The following RBFOX1 variants were observed in gnomAD, a reference collection of about 807,000 sequenced individuals.
RBFOX1 encodes the protein RNA binding protein fox-1 homolog 1.
In RBFOX1, 8 loss-of-function variants were observed where a neutral mutation model predicts 57.7. The ratio of observed to expected loss-of-function variants is 0.14; its 90% CI spans 0.08 to 0.25. RBFOX1 has a LOEUF of 0.25. Among genes scored for constraint, RBFOX1 ranks in the 10% least tolerant of loss-of-function variants. RBFOX1 has a pLI of 1.00. For synonymous variants in RBFOX1, 326 were observed against 222.4 expected, an observed-to-expected ratio of 1.47 and a Z score of -4.15; for missense variants, 611 against 548.5, an observed-to-expected ratio of 1.11 and a Z score of -1.14.
At chr16:5,814,803 C>G (rs2055566318) in intron 3 of RBFOX1, among the ~76,000 whole-genome samples, 1 of 152,136 alleles carries the variant, frequency 6.6e-6, no homozygotes, top group African/African-American at 2.4e-5. Context: ...GTGGAGGGCG[C>G]CTGTAGTCCC....
At chr16:7,075,764 TA>T (rs1051238635) in intron 4 of RBFOX1, among the ~76,000 whole-genome samples, 1 of 152,090 alleles carries the variant, frequency 6.6e-6, no homozygotes, top group African/African-American at 2.4e-5. Flanking sequence ...TTATTTTTAG[TA>T]GAGACGGGAT....
intron 3 of RBFOX1, among the ~76,000 whole-genome samples, chr16:6,848,379 G>A (rs2093879724): frequency 6.6e-6 from 1 of 152,076 alleles, no homozygotes; most frequent in African/African-American, 2.4e-5. Context: ...TTGAATGTTA[G>A]TCACTAATAC....
chr16:6,091,760 G>T (rs1214429331), intron 1 of RBFOX1, among the ~76,000 whole-genome samples: 1 of 152,206 alleles, frequency 6.6e-6, no homozygotes, highest in East Asian at 1.9e-4. Context: ...GAACCTGGGA[G>T]TTGGAGGTTG....
chr16:6,833,242 T>G (rs908888733), intron 3 of RBFOX1, among the ~76,000 whole-genome samples: 4 of 152,064 alleles, frequency 2.6e-5, no homozygotes, highest in African/African-American at 7.2e-5. Flanking sequence ...CTCGGCTCAT[T>G]ACAACCTCCG....
At chr16:7,451,089 A>G (rs1366529560) in intron 4 of RBFOX1, among the ~76,000 whole-genome samples, 1 of 152,160 alleles carries the variant, frequency 6.6e-6, no homozygotes. Context: ...CATGCCAGGT[A>G]GGGCAGGCTG....
intron 4 of RBFOX1, among the ~76,000 whole-genome samples, chr16:7,096,366 A>G (rs980997119): frequency 1.3e-5 from 2 of 152,090 alleles, no homozygotes; most frequent in Non-Finnish European, 2.9e-5. Context: ...CTCTGACTCA[A>G]TTTCTCGGAC....
At chr16:6,997,038 G>A (rs750044341) in intron 3 of RBFOX1, among the ~76,000 whole-genome samples, 14 of 152,054 alleles carry the variant, frequency 9.2e-5, no homozygotes, top group Non-Finnish European at 1.6e-4. Flanking sequence ...TTATATGCAC[G>A]TATTTATAAG....
intron 3 of RBFOX1, among the ~76,000 whole-genome samples, chr16:6,942,527 C>T (rs897849310): frequency 2.6e-5 from 4 of 152,086 alleles, no homozygotes; most frequent in African/African-American, 7.2e-5. Context: ...GTGAGACTAT[C>T]AGTTAGAGCA....
intron 2 of RBFOX1, among the ~76,000 whole-genome samples, chr16:5,559,595 TGCCCTAAAGGC>T (rs898283267): frequency 1.3e-5 from 2 of 152,096 alleles, no homozygotes; most frequent in African/African-American, 4.8e-5. Context: ...CTGGTTCCCC[TGCCCTAAAGGC>T]GCCCCTCCAC....
intron 3 of RBFOX1, among the ~76,000 whole-genome samples, chr16:6,700,221 C>T (rs1603442585): frequency 6.6e-6 from 1 of 152,188 alleles, no homozygotes; most frequent in African/African-American, 2.4e-5. Flanking sequence ...AGAAGTGTAC[C>T]ATGCACTGTC....
intron 2 of RBFOX1, among the ~76,000 whole-genome samples, chr16:6,363,067 A>T (rs1334023567): frequency 1.3e-5 from 2 of 152,182 alleles, no homozygotes; most frequent in Non-Finnish European, 2.9e-5. Flanking sequence ...ATCTAATGCA[A>T]ACTTGAAATT....
intron 4 of RBFOX1, among the ~76,000 whole-genome samples, chr16:7,450,796 G>C (rs540915853): frequency 6.6e-6 from 1 of 152,264 alleles, no homozygotes; most frequent in East Asian, 1.9e-4. Context: ...ACATTGAAGA[G>C]GCTCAATGAC....
intron 1 of RBFOX1, among the ~76,000 whole-genome samples, chr16:6,090,675 G>A (rs1309181530): frequency 6.6e-6 from 1 of 152,174 alleles, no homozygotes; most frequent in East Asian, 1.9e-4. Flanking sequence ...ACCTGTGAAA[G>A]CAGGGTTTAC....
chr16:6,158,382 G>C (rs1385848610), intron 1 of RBFOX1, among the ~76,000 whole-genome samples: 1 of 152,168 alleles, frequency 6.6e-6, no homozygotes, highest in Non-Finnish European at 1.5e-5. Context: ...TTAGTCAATA[G>C]TGAAGGAAAT....
intron 3 of RBFOX1, among the ~76,000 whole-genome samples, chr16:5,803,798 T>C (rs1259831622): frequency 6.6e-6 from 1 of 152,194 alleles, no homozygotes; most frequent in Non-Finnish European, 1.5e-5. Context: ...TTATGTTGCT[T>C]CAGTTAAAGG....
chr16:6,416,728 C>T (rs1295167536), intron 2 of RBFOX1, among the ~76,000 whole-genome samples: 1 of 152,158 alleles, frequency 6.6e-6, no homozygotes. Context: ...GCACTGCGGC[C>T]TGTACCTCCT....
Position 7,298,912 on chromosome 16 carries a change from T to A in RBFOX1, c.28-219235T>A, listed in dbSNP as rs751736718. On this transcript the variant is annotated intron_variant, in intron 4 of 15. Coordinates refer to ENST00000550418, the MANE Select transcript of RBFOX1 (RefSeq NM_018723.4). ...TCTGGGTCTCTCAGGTGGCAGAGAA[T>A]TTCTGCATATGTGGTCCTGTATAGT... 1.8e-4 allele frequency among the ~76,000 whole-genome samples: 27 copies of A among 152,178 alleles called. 1 individual carries two copies. The highest frequency in any genetic ancestry group is 3.5e-4 in the Non-Finnish European group (24 of 68,044).
Position 5,650,726 on chromosome 16 carries a change from T to G in RBFOX1, c.318+51765T>G, listed in dbSNP as rs146705042. ...CTCTCTGTCTCTCTCTGTCTTCCCT[T>G]GCCTCTCTCCCTCCTTCTCCCTGTC... is the stretch of plus-strand genomic sequence containing the variant. On this transcript the variant is annotated intron_variant, in intron 3 of 19. Coordinates refer to the RBFOX1 transcript ENST00000641259. Among the ~76,000 whole-genome samples the G allele has an allele frequency of 3.5e-3, 526 of 152,240 alleles. 1 individual carries two copies. The highest frequency in any genetic ancestry group is 9.3e-3 in the Admixed American group (142 of 15,288).
chr16:7,303,291 T>G (rs749667934), intron 4 of RBFOX1, among the ~76,000 whole-genome samples: 1 of 152,100 alleles, frequency 6.6e-6, no homozygotes, highest in Non-Finnish European at 1.5e-5. Context: ...CGCAGAAACC[T>G]CCTCCCCTCC....
Sources: gnomAD v4.1 joint callset for allele counts (sites outside exome capture counted in the v4.1 genomes callset) on GRCh38, gnomAD v4.1.1 for gene constraint, MANE v1.5 for transcripts, NCBI Gene and HGNC (gene_info 2026-07-23, HGNC 2026-07-21) for gene names.